Variants in RSF1 observed in about 807,000 individuals in gnomAD.
RSF1 encodes the protein remodeling and spacing factor 1.
RSF1 carries 13 observed loss-of-function variants against 145.2 expected under a neutral mutation model. That is an observed-to-expected ratio of 0.09 (90% confidence interval 0.06 to 0.14). The LOEUF (loss-of-function observed/expected upper bound fraction) is 0.14. Among genes scored for constraint, RSF1 ranks in the 10% least tolerant of loss-of-function variants. The probability of loss-of-function intolerance (pLI) is 1.00; values close to 1 mark genes in which losing one functional copy is unlikely to be tolerated. For missense variants in RSF1, 1,517 were observed against 1,718.2 expected (o/e 0.88, Z 2.07); for synonymous variants, 577 against 592.6 (o/e 0.97, Z 0.38).
Position 77,661,034 on chromosome 11 carries a change from A to C in RSF1, c.*5883T>G, listed in dbSNP as rs752603599. ...TACAAGATTTCAAAATACTTAGTGAATAAGGAAGGAACTGAAACTTGAATT... is the reference window on the plus strand; with the variant it reads ...TACAAGATTTCAAAATACTTAGTGACTAAGGAAGGAACTGAAACTTGAATT... On this transcript the variant is annotated 3_prime_UTR_variant, in exon 16 of 16. Coordinates refer to ENST00000308488, the MANE Select transcript of RSF1 (RefSeq NM_016578.4). The C allele has an allele frequency of 6.6e-6, 1 of 152,218 alleles. No homozygotes were observed. The highest frequency in any genetic ancestry group is 1.5e-5 in the Non-Finnish European group (1 of 68,022). The allele number at this position is 152,218 out of a possible 1,614,324, so 9.4% of individuals were successfully genotyped here. A position where few individuals can be genotyped will look rare whatever the true frequency, so the allele number is the denominator to read the frequency against.
chr11:77,761,828 A>ACTTTT (rs370490355), intron 2 of RSF1, among the ~76,000 whole-genome samples: 12 of 119,544 alleles, frequency 1.0e-4, no homozygotes, highest in African/African-American at 4.0e-4. Context: ...CCATTCGGTG[A>ACTTTT]TTTTTTTTTT....
intron 15 of RSF1, among the ~76,000 whole-genome samples, chr11:77,671,158 TA>T (rs1959531732): frequency 4.6e-5 from 3 of 65,574 alleles, no homozygotes; most frequent in African/African-American, 2.4e-4. Flanking sequence ...TATATATATA[TA>T]TATATATATA....
chr11:77,863,864 G>A, the RSF1 span, among the ~76,000 whole-genome samples: 292 of 152,060 alleles, frequency 1.9e-3, 5 homozygotes, highest in East Asian at 0.029. Context: ...ATCTTATTAC[G>A]GGATTAAAAT....
chr11:77,813,575 C>CT (rs1273402173), intron 1 of RSF1: 1 of 676,458 alleles, frequency 1.5e-6, no homozygotes, highest in Non-Finnish European at 2.7e-6. Flanking sequence ...CAGCACACAC[C>CT]TTTTCCAGGG....
At chr11:77,798,786 G>A (rs1948598440) in intron 1 of RSF1, among the ~76,000 whole-genome samples, 1 of 151,098 alleles carries the variant, frequency 6.6e-6, no homozygotes, top group Admixed American at 6.6e-5. Context: ...GTTGAACAAT[G>A]AACACATGGA....
upstream of RSF1, among the ~76,000 whole-genome samples, chr11:77,823,089 C>G (rs1419053436): frequency 6.6e-6 from 1 of 151,706 alleles, no homozygotes; most frequent in African/African-American, 2.4e-5. Flanking sequence ...TGGCGGCGGG[C>G]CCCTGTAGAC....
At chr11:77,746,199 T>G (rs1947998064) in intron 3 of RSF1, among the ~76,000 whole-genome samples, 1 of 152,088 alleles carries the variant, frequency 6.6e-6, no homozygotes, top group Non-Finnish European at 1.5e-5. Context: ...CACAAGCTGG[T>G]CTAGAGACAG....
At chr11:77,720,229 A>G (rs886692250) in intron 5 of RSF1, among the ~76,000 whole-genome samples, 2 of 152,188 alleles carry the variant, frequency 1.3e-5, no homozygotes, top group East Asian at 3.8e-4. Flanking sequence ...TTCTCAAGTG[A>G]TATCTTATCT....
chr11:77,822,491 A>G (rs1948963094), upstream of RSF1, among the ~76,000 whole-genome samples: 1 of 151,740 alleles, frequency 6.6e-6, no homozygotes, highest in African/African-American at 2.4e-5. Flanking sequence ...CTGTAATTAT[A>G]GAAAGATAAG....
At chr11:77,754,212 C>A (rs1160372725) in intron 2 of RSF1, among the ~76,000 whole-genome samples, 3 of 152,012 alleles carry the variant, frequency 2.0e-5, no homozygotes, top group Non-Finnish European at 4.4e-5. Flanking sequence ...ATATCAAGCA[C>A]TAAAAATAAT....
Position 77,691,142 on chromosome 11 carries a change from C to T in RSF1, c.2900+17G>A. 1 of 1,606,162 alleles carries T rather than the reference C, an allele frequency of 6.2e-7. No homozygotes were observed. The highest frequency in any genetic ancestry group is 8.5e-7 in the Non-Finnish European group (1 of 1,172,840). ...CTCATATTCCCAAACAAAACATTAA[C>T]ACACATATAAAAATACCTTCGTTCG... is the stretch of plus-strand genomic sequence containing the variant. On this transcript the variant is annotated intron_variant, in intron 9 of 15. Transcript: ENST00000308488.
chr11:77,684,085 T>G (rs570741163), intron 10 of RSF1, among the ~76,000 whole-genome samples: 2 of 152,336 alleles, frequency 1.3e-5, no homozygotes, highest in South Asian at 4.1e-4. Flanking sequence ...AAAACAGTCA[T>G]GATGAAGTTT....
chr11:77,815,224 G>A (rs1014988674), intron 1 of RSF1, among the ~76,000 whole-genome samples: 1 of 152,246 alleles, frequency 6.6e-6, no homozygotes, highest in Admixed American at 6.5e-5. Flanking sequence ...CTAACGTACA[G>A]ATATGACCAT....
intron 6 of RSF1, among the ~76,000 whole-genome samples, chr11:77,699,830 T>C (rs1960370230): frequency 6.6e-6 from 1 of 152,062 alleles, no homozygotes; most frequent in Non-Finnish European, 1.5e-5. Flanking sequence ...TAGTGAAAAA[T>C]TGGAAACAAC....
chr11:77,824,777 A>G, upstream of RSF1, among the ~76,000 whole-genome samples: 1 of 152,216 alleles, frequency 6.6e-6, no homozygotes, highest in East Asian at 1.9e-4. Context: ...TTGATTGGCA[A>G]GTTTATTTCT....
intron 2 of RSF1, among the ~76,000 whole-genome samples, chr11:77,751,880 T>C (rs1187000484): frequency 6.6e-6 from 1 of 152,234 alleles, no homozygotes; most frequent in Non-Finnish European, 1.5e-5. Context: ...TCAGGCTTTA[T>C]CTTTCACAAG....
intron 9 of RSF1, among the ~76,000 whole-genome samples, chr11:77,688,565 C>T (rs896632088): frequency 3.3e-5 from 5 of 152,148 alleles, no homozygotes; most frequent in Non-Finnish European, 4.4e-5. Flanking sequence ...CAGGATCATT[C>T]TTTATTTTTT....
intron 4 of RSF1, among the ~76,000 whole-genome samples, chr11:77,736,315 G>C (rs1961351603): frequency 6.6e-6 from 1 of 152,176 alleles, no homozygotes; most frequent in Non-Finnish European, 1.5e-5. Context: ...ATTTATGTCT[G>C]AGTAAATTTC....
intron 2 of RSF1, chr11:77,762,613 A>G (rs1008356170): frequency 6.6e-6 from 1 of 152,214 alleles, no homozygotes; most frequent in Non-Finnish European, 1.5e-5. Context: ...CAGCTGTCTT[A>G]GGGAATTACT....
Sources: gnomAD v4.1 joint callset for allele counts (sites outside exome capture counted in the v4.1 genomes callset) on GRCh38, gnomAD v4.1.1 for gene constraint, MANE v1.5 for transcripts, NCBI Gene and HGNC (gene_info 2026-07-23, HGNC 2026-07-21) for gene names.